The following DHX8 variants were observed in gnomAD, a reference collection of about 807,000 sequenced individuals.
DHX8 encodes DEAH-box helicase 8.
A neutral mutation model predicts 140.7 loss-of-function variants in DHX8; 67 were observed. The observed-to-expected ratio is 0.48, with a 90% CI of 0.39 to 0.58. DHX8 has a LOEUF of 0.58. DHX8 is among the 20% of genes least tolerant of loss of function. The pLI is 0.00. For synonymous variants in DHX8, 533 were observed against 553.2 expected (o/e 0.96, Z 0.51); for missense variants, 887 against 1,550.7 (o/e 0.57, Z 7.19).
intron 3 of DHX8, among the ~76,000 whole-genome samples, chr17:43,542,661 C>T (rs978333613): frequency 3.3e-5 from 5 of 152,068 alleles, no homozygotes; most frequent in East Asian, 1.9e-4. Flanking sequence ...TCCATAAAGC[C>T]GCACTCACAC....
Position 43,504,789 on chromosome 17 carries a change from C to T in DHX8, c.1692C>T (p.Ser564=). 6.2e-7 allele frequency: 1 copy of T among 1,613,966 alleles called. No homozygotes were observed. Among genetic ancestry groups the T allele is most frequent in the Non-Finnish European group, 8.5e-7 (1 of 1,179,980 alleles). The part of the protein sequence containing the change: ...TQMSILEQRE[S]LPIYKLKEQL... ...TGTCAATCCTTGAGCAGAGGGAGAG[C>T]CTGCCCATCTACAAACTGAAGGAGC... The change falls in exon 12 of 23, where the codon AGC becomes AGT. Residue 564 remains serine (S), a synonymous_variant. Transcript: ENST00000262415.
At chr17:43,526,254 G>T, downstream of DHX8, 1 of 1,297,606 alleles carries the variant, frequency 7.7e-7, no homozygotes, top group Non-Finnish European at 9.9e-7. Flanking sequence ...AGGAGAGGAT[G>T]TGGGTCTCAT....
intron 3 of DHX8, among the ~76,000 whole-genome samples, chr17:43,542,235 C>T (rs1203563542): frequency 2.6e-5 from 4 of 152,082 alleles, no homozygotes; most frequent in African/African-American, 9.7e-5. Flanking sequence ...ATCCATACAC[C>T]TTTATGTATG....
downstream of DHX8, chr17:43,529,727 A>G: frequency 1.3e-6 from 2 of 1,591,110 alleles, no homozygotes; most frequent in South Asian, 2.3e-5. Flanking sequence ...TTGGTCCCCC[A>G]AGCAACCGCC....
At chr17:43,502,272 G>T (rs987533975) in intron 11 of DHX8, among the ~76,000 whole-genome samples, 2 of 152,176 alleles carry the variant, frequency 1.3e-5, no homozygotes, top group Admixed American at 1.3e-4. Context: ...ATTAGATTAG[G>T]TTCGGCATGA....
At chr17:43,486,990 C>T (rs1425957867) in intron 1 of DHX8, among the ~76,000 whole-genome samples, 1 of 152,158 alleles carries the variant, frequency 6.6e-6, no homozygotes, top group East Asian at 1.9e-4. Flanking sequence ...TTAGTTCTCC[C>T]TCCACATTTC....
At chr17:43,528,580 T>C (rs754777184), downstream of DHX8, 3 of 1,613,592 alleles carry the variant, frequency 1.9e-6, no homozygotes, top group Non-Finnish European at 2.5e-6. Flanking sequence ...CTCTGGGAGG[T>C]AGGCGGGGCT....
chr17:43,484,300 C>G (rs979304802), intron 1 of DHX8, 115 bp downstream of exon 1: 14 of 1,286,526 alleles, frequency 1.1e-5, no homozygotes, highest in African/African-American at 1.5e-5. Context: ...GAATCTGTCT[C>G]TCTCTGTCGC....
chr17:43,526,089 G>A (rs1283855034), downstream of DHX8: 1 of 985,246 alleles, frequency 1.0e-6, no homozygotes, highest in Non-Finnish European at 1.2e-6. Context: ...TTGACCATCA[G>A]GAAAGCAATG....
At chr17:43,542,613 G>A (rs1971580740) in intron 3 of DHX8, among the ~76,000 whole-genome samples, 5 of 152,024 alleles carry the variant, frequency 3.3e-5, no homozygotes, top group Admixed American at 3.3e-4. Flanking sequence ...ATTCACCCCT[G>A]TGTACAAAAA....
At chr17:43,529,870 G>A (rs1238637859), downstream of DHX8, 1 of 1,613,988 alleles carries the variant, frequency 6.2e-7, no homozygotes, top group Admixed American at 1.7e-5. Context: ...CCCATCAACA[G>A]TCACTTCTCT....
intron 3 of DHX8, among the ~76,000 whole-genome samples, chr17:43,540,586 G>C (rs1334972353): frequency 6.6e-6 from 1 of 152,198 alleles, no homozygotes; most frequent in Admixed American, 6.5e-5. Context: ...TCCTGTGTCA[G>C]GCTTGAGTGC....
intron 18 of DHX8, 97 bp from the exon 19 acceptor site, chr17:43,520,033 T>C: frequency 3.4e-6 from 5 of 1,453,522 alleles, no homozygotes; most frequent in Non-Finnish European, 4.7e-6. Flanking sequence ...TAATTGCAAT[T>C]GAAGAAATGG....
In DHX8 at chr17:43,524,956, G is replaced by GTT. The variant is rs990010252; in HGVS notation, c.*1120_*1121dup. ...GCCCTCCTCACAGCTCCTGAGGAGGGTTTTTTTTTTTTCTTCCCATAGAGA... is the reference window on the plus strand; with the variant it reads ...GCCCTCCTCACAGCTCCTGAGGAGGGTTTTTTTTTTTTTTCTTCCCATAGAGA... On this transcript the variant is annotated 3_prime_UTR_variant, in exon 23 of 23. Transcript: ENST00000262415. 1.3e-5 allele frequency: 10 copies of GTT among 782,972 alleles called. No homozygotes were observed. The highest frequency in any genetic ancestry group is 1.4e-5 in the Non-Finnish European group (9 of 649,358). 48.5% of individuals were successfully genotyped at this position (782,972 alleles called of 1,614,324 possible). A position where few individuals can be genotyped will look rare whatever the true frequency, so the allele number is the denominator to read the frequency against.
intron 2 of DHX8, among the ~76,000 whole-genome samples, chr17:43,535,888 G>A (rs1455294269): frequency 2.0e-5 from 3 of 152,150 alleles, no homozygotes; most frequent in Non-Finnish European, 4.4e-5. Context: ...CGAGGTGGGC[G>A]GATCACAAGG....
chr17:43,541,925 G>A (rs1971543915), intron 3 of DHX8, among the ~76,000 whole-genome samples: 1 of 152,146 alleles, frequency 6.6e-6, no homozygotes, highest in Admixed American at 6.5e-5. Flanking sequence ...CCACAGACAT[G>A]CCGAGGCACC....
intron 3 of DHX8, among the ~76,000 whole-genome samples, chr17:43,540,240 G>A (rs1971454558): frequency 6.6e-6 from 1 of 152,104 alleles, no homozygotes; most frequent in South Asian, 2.1e-4. Flanking sequence ...ACGATCTGAG[G>A]TCTGGAATTC....
At chr17:43,535,153 G>T (rs936029825) in intron 2 of DHX8, among the ~76,000 whole-genome samples, 4 of 152,212 alleles carry the variant, frequency 2.6e-5, no homozygotes, top group African/African-American at 9.7e-5. Flanking sequence ...AGTTTTAACC[G>T]CAGTCCAGTC....
chr17:43,504,025 C>T (rs1238618298), intron 11 of DHX8, among the ~76,000 whole-genome samples: 8 of 151,044 alleles, frequency 5.3e-5, no homozygotes, highest in Non-Finnish European at 1.0e-4. Flanking sequence ...TGCAGTGAGC[C>T]GTGATTGCGT....
Sources: gnomAD v4.1 joint callset for allele counts (sites outside exome capture counted in the v4.1 genomes callset) on GRCh38, gnomAD v4.1.1 for gene constraint, MANE v1.5 for transcripts, NCBI Gene and HGNC (gene_info 2026-07-23, HGNC 2026-07-21) for gene names.